Variants in CCDC88C observed in about 807,000 individuals in gnomAD.
CCDC88C encodes the protein protein Daple.
CCDC88C carries 131 observed loss-of-function variants against 198.8 expected under a neutral mutation model. The observed-to-expected ratio is 0.66, with a 90% CI of 0.57 to 0.76. The LOEUF (loss-of-function observed/expected upper bound fraction) is 0.76, where lower values mean the gene tolerates loss of function less well. CCDC88C is among the 30% of genes least tolerant of loss of function. CCDC88C has a pLI of 0.00. For missense variants in CCDC88C, 2,553 were observed against 2,631.6 expected (o/e 0.97, Z 0.65); for synonymous variants, 1,166 against 1,114.7 (o/e 1.05, Z -0.92).
At chr14:91,415,728 A>C (rs1337824550) in intron 2 of CCDC88C, among the ~76,000 whole-genome samples, 1 of 152,174 alleles carries the variant, frequency 6.6e-6, no homozygotes, top group East Asian at 1.9e-4. Context: ...CTCCAAAAAA[A>C]AAAAAAGCAA....
At chr14:91,281,310 T>C in intron 27 of CCDC88C, 147 bp downstream of exon 27, 2 of 1,529,254 alleles carry the variant, frequency 1.3e-6, no homozygotes, top group African/African-American at 2.8e-5. Flanking sequence ...CTCAGCCCCC[T>C]GGGGAGGGGA....
chr14:91,308,413 A>G lies in CCDC88C; in HGVS notation c.2944T>C (p.Leu982=). ...LAMKEEKIVL[L]EAQMEEKASL... is the part of the protein sequence containing the mutation. ...GCTTTCTCTTCCATCTGTGCTTCTAAGAGCACAATCTTTTCTTCTTTCATG... is the reference window on the plus strand; with the variant it reads ...GCTTTCTCTTCCATCTGTGCTTCTAGGAGCACAATCTTTTCTTCTTTCATG... Residue 982 remains leucine (L), a synonymous_variant, in exon 17 of 30, where the codon TTA becomes CTA. Transcript: ENST00000389857. 6.2e-7 allele frequency: 1 copy of G among 1,613,842 alleles called. No individual in the cohort carries two copies. Among genetic ancestry groups the G allele is most frequent in the East Asian group, 2.2e-5 (1 of 44,882 alleles).
At position 91,274,244 on chromosome 14, in the gene CCDC88C, C is replaced by T. The variant is rs1024409536; in HGVS notation, c.5059-591G>A. On this transcript the variant is annotated intron_variant, in intron 29 of 29. Transcript: ENST00000389857. ...GGGACAGAGAGGTACAAATGGGGTC[C>T]GCGAGGGTCCAGAAGGGGGAATGGT... Among the ~76,000 whole-genome samples, 17 of 152,124 alleles carry T rather than the reference C, an allele frequency of 1.1e-4. No homozygotes were observed. In the East Asian group the frequency reaches 3.3e-3, roughly 29 times the overall value.
chr14:91,382,357 ACAT>A (rs1246274525), intron 3 of CCDC88C, among the ~76,000 whole-genome samples: 1 of 152,194 alleles, frequency 6.6e-6, no homozygotes, highest in African/African-American at 2.4e-5. Context: ...GACCCTTTCA[ACAT>A]GGCGGGCCCC....
At chr14:91,417,110 T>G in intron 1 of CCDC88C, 1 of 702,922 alleles carries the variant, frequency 1.4e-6, no homozygotes, top group East Asian at 2.7e-5. Flanking sequence ...TAAAAAGGAC[T>G]TTTCAATAAA....
intron 25 of CCDC88C, among the ~76,000 whole-genome samples, chr14:91,287,506 A>AAT (rs1012922532): frequency 2.0e-5 from 3 of 151,964 alleles, no homozygotes; most frequent in Non-Finnish European, 4.4e-5. Context: ...GCTAAATAAA[A>AAT]ATATATATAT....
intron 2 of CCDC88C, 40 bp downstream of exon 2, chr14:91,416,698 C>A: frequency 7.0e-7 from 1 of 1,428,494 alleles, no homozygotes; most frequent in Non-Finnish European, 9.8e-7. Context: ...AACTTTCTAA[C>A]GCACCATTCT....
chr14:91,349,476 G>A (rs570439354), intron 4 of CCDC88C, among the ~76,000 whole-genome samples: 2 of 152,284 alleles, frequency 1.3e-5, no homozygotes, highest in African/African-American at 2.4e-5. Context: ...AGGGAGAAAC[G>A]GGGGCAGGTT....
intron 3 of CCDC88C, among the ~76,000 whole-genome samples, chr14:91,367,482 G>A (rs1894596610): frequency 1.3e-5 from 2 of 152,164 alleles, no homozygotes; most frequent in South Asian, 4.1e-4. Flanking sequence ...GTCTTCCCTG[G>A]TGCCCAAAGC....
intron 20 of CCDC88C, among the ~76,000 whole-genome samples, chr14:91,300,751 C>A (rs1212995906): frequency 6.6e-6 from 1 of 152,210 alleles, no homozygotes; most frequent in African/African-American, 2.4e-5. Context: ...GTCGGCTGCA[C>A]TGGCCATCTC....
intron 20 of CCDC88C, among the ~76,000 whole-genome samples, chr14:91,303,179 G>C (rs1164271360): frequency 6.6e-6 from 1 of 151,708 alleles, no homozygotes; most frequent in Admixed American, 6.6e-5. Context: ...AGGCCCCGCT[G>C]CAGGCCTACC....
chr14:91,340,102 C>T (rs186984096), intron 6 of CCDC88C, 78 bp from the exon 7 acceptor site: 181 of 1,546,800 alleles, frequency 1.2e-4, no homozygotes, highest in Non-Finnish European at 1.4e-4. Flanking sequence ...AACAGCATCC[C>T]CTTCCAATCA....
At chr14:91,383,507 T>C (rs1314003474) in intron 3 of CCDC88C, among the ~76,000 whole-genome samples, 1 of 151,952 alleles carries the variant, frequency 6.6e-6, no homozygotes, top group Non-Finnish European at 1.5e-5. Flanking sequence ...GTGGAGAAAG[T>C]GGGGAGCCAG....
intron 3 of CCDC88C, among the ~76,000 whole-genome samples, chr14:91,394,520 A>C (rs150550277): frequency 2.0e-5 from 3 of 152,346 alleles, no homozygotes; most frequent in African/African-American, 7.2e-5. Context: ...CTGGTGTGAC[A>C]CCGTGCTCCC....
At chr14:91,283,086 G>A (rs955324231) in intron 26 of CCDC88C, among the ~76,000 whole-genome samples, 19 of 152,292 alleles carry the variant, frequency 1.2e-4, no homozygotes, top group East Asian at 5.8e-4. Context: ...CCTGAATGCC[G>A]GTGGTGGCAG....
At chr14:91,309,354 G>T (rs1429069203) in intron 16 of CCDC88C, among the ~76,000 whole-genome samples, 1 of 152,184 alleles carries the variant, frequency 6.6e-6, no homozygotes, top group Admixed American at 6.5e-5. Flanking sequence ...TGTAATCCCA[G>T]CATTTTGGGA....
chr14:91,289,090 G>A lies in CCDC88C; in HGVS notation c.4441+15C>T. 6.2e-7 allele frequency: 1 copy of A among 1,605,746 alleles called. No individual in the cohort carries two copies. Among genetic ancestry groups the A allele is most frequent in the Non-Finnish European group, 8.5e-7 (1 of 1,177,126 alleles). ...CCCTTCCTCACCCGACCACGGCCAGGACGGCCGCCCCTACCTTTCCCCACA... is the reference window on the plus strand; with the variant it reads ...CCCTTCCTCACCCGACCACGGCCAGAACGGCCGCCCCTACCTTTCCCCACA... On this transcript the variant is annotated intron_variant, in intron 25 of 29. Transcript: ENST00000389857.
chr14:91,338,412 C>T lies in CCDC88C; in HGVS notation c.891+77G>A. 7.6e-7 allele frequency: 1 copy of T among 1,308,562 alleles called. No individual in the cohort carries two copies. The highest frequency in any genetic ancestry group is 1.1e-6 in the Non-Finnish European group (1 of 926,852). 81.1% of individuals were successfully genotyped at this position (1,308,562 alleles called of 1,614,324 possible). A position where few individuals can be genotyped will look rare whatever the true frequency, so the allele number is the denominator to read the frequency against. On this transcript the variant is annotated intron_variant, in intron 9 of 29. Transcript: ENST00000389857. The surrounding 1 kb of genome is among the most constrained non-coding windows in gnomAD (Gnocchi z 4.8). ...GCTTAAAAGCGCTGCTGTTGAGCTC[C>T]TGACCCTCCAGGCCCCGTTACTGGA... is the stretch of plus-strand genomic sequence containing the variant.
intron 10 of CCDC88C, among the ~76,000 whole-genome samples, chr14:91,328,425 C>T (rs1892667229): frequency 6.6e-6 from 1 of 152,208 alleles, no homozygotes; most frequent in Non-Finnish European, 1.5e-5. Flanking sequence ...AGCCGGATTC[C>T]ACACCTCTGG....
Sources: allele counts gnomAD v4.1 joint callset (sites outside exome capture counted in the v4.1 genomes callset), GRCh38; gene constraint gnomAD v4.1.1; non-coding constraint Gnocchi (gnomAD v3.1); transcripts MANE v1.5; gene names NCBI Gene and HGNC (gene_info 2026-07-23, HGNC 2026-07-21).